Variants in ACOXL observed in about 807,000 individuals in gnomAD.
ACOXL encodes the protein acyl-CoA oxidase like, also known as acyl-coenzyme A oxidase-like protein.
ACOXL carries 70 observed loss-of-function variants against 71.9 expected under a neutral mutation model. That is an observed-to-expected ratio of 0.97 (90% CI 0.80 to 1.19). ACOXL has a LOEUF of 1.19. Among genes scored for constraint, ACOXL ranks in the 50% most tolerant of loss-of-function variants. The probability of loss-of-function intolerance (pLI) is 0.00; values close to 1 mark genes in which losing one functional copy is unlikely to be tolerated. For synonymous variants in ACOXL, 253 were observed against 281.6 expected, an observed-to-expected ratio of 0.90 and a Z score of 1.02; for missense variants, 703 against 736.3, an observed-to-expected ratio of 0.95 and a Z score of 0.52.
chr2:111,047,000 A>G lies in ACOXL; in HGVS notation c.1370-2218A>G, dbSNP rs1574594917. On this transcript the variant is annotated intron_variant, in intron 15 of 17. Transcript: ENST00000439055. ...AAGAGCGAGAAGTTCTCCAGAAATC[A>G]AAGTGGCAGCACTACTGTGGGAAAG... 2.6e-5 allele frequency among the ~76,000 whole-genome samples: 4 copies of G among 152,326 alleles called. No homozygotes were observed. The South Asian group carries it at 6.2e-4, about 24-fold the overall frequency.
intron 11 of ACOXL, among the ~76,000 whole-genome samples, chr2:110,912,224 A>G (rs189352628): frequency 6.6e-6 from 1 of 152,224 alleles, no homozygotes; most frequent in African/African-American, 2.4e-5. Flanking sequence ...AGCAGTCTCT[A>G]TCAAAATCCC....
At chr2:110,738,552 T>C (rs1677148470) in intron 1 of ACOXL, among the ~76,000 whole-genome samples, 1 of 152,210 alleles carries the variant, frequency 6.6e-6, no homozygotes, top group African/African-American at 2.4e-5. Context: ...ATATCCAACA[T>C]TGCAATGAAC....
chr2:110,943,234 AAGAAAG>A lies in ACOXL; in HGVS notation c.1059+9600_1059+9605del, dbSNP rs749006996. Among the ~76,000 whole-genome samples the A allele has an allele frequency of 3.8e-4, 57 of 148,678 alleles. 1 individual carries two copies. The South Asian group carries it at 8.5e-3, about 22-fold the overall frequency. ...GGAAGAAGGAAGGAAAGAAGGAAGC[AAGAAAG>A]AGAAAGAAAAAGAAAAGAAAGGAGG... is the stretch of plus-strand genomic sequence containing the variant. On this transcript the variant is annotated intron_variant, in intron 12 of 17. Coordinates refer to ENST00000439055, the MANE Select transcript of ACOXL (RefSeq NM_001142807.4).
intron 16 of ACOXL, among the ~76,000 whole-genome samples, chr2:111,078,111 G>T (rs1289625860): frequency 1.3e-5 from 2 of 151,978 alleles, no homozygotes; most frequent in Non-Finnish European, 1.5e-5. Context: ...TTTTCTCTCT[G>T]TTGTTCAGAT....
At chr2:110,864,727 C>A (rs1426491302) in intron 10 of ACOXL, among the ~76,000 whole-genome samples, 2 of 152,220 alleles carry the variant, frequency 1.3e-5, no homozygotes, top group African/African-American at 4.8e-5. Context: ...GGGGCTCTGT[C>A]GAATTAACCA....
chr2:110,907,438 A>AT (rs559393316), intron 10 of ACOXL, among the ~76,000 whole-genome samples: 63 of 151,446 alleles, frequency 4.2e-4, no homozygotes, highest in African/African-American at 7.3e-4. Context: ...TGGCTTTGGG[A>AT]TTTTTTTTTG....
intron 11 of ACOXL, among the ~76,000 whole-genome samples, chr2:110,917,156 C>A (rs1053015040): frequency 6.6e-6 from 1 of 152,154 alleles, no homozygotes; most frequent in Non-Finnish European, 1.5e-5. Flanking sequence ...GAAAAATCCT[C>A]GATAAAATAC....
chr2:110,793,593 A>G (rs1285682033), intron 3 of ACOXL, 57 bp from the exon 4 acceptor site: 6 of 1,521,332 alleles, frequency 3.9e-6, no homozygotes, highest in Non-Finnish European at 5.5e-6. Flanking sequence ...CGTGGATTTA[A>G]TTGTCTTTAG....
chr2:111,064,598 G>C (rs1263918848), intron 16 of ACOXL, among the ~76,000 whole-genome samples: 1 of 152,132 alleles, frequency 6.6e-6, no homozygotes, highest in Non-Finnish European at 1.5e-5. Flanking sequence ...CAACAGAAAA[G>C]ACTGTACGTG....
chr2:110,993,591 A>T (rs1224591540), intron 13 of ACOXL, among the ~76,000 whole-genome samples: 1 of 152,238 alleles, frequency 6.6e-6, no homozygotes, highest in Non-Finnish European at 1.5e-5. Context: ...CGCTATGAGC[A>T]TTCTTGTATA....
At chr2:111,007,363 C>T (rs1487776178) in intron 14 of ACOXL, among the ~76,000 whole-genome samples, 1 of 152,202 alleles carries the variant, frequency 6.6e-6, no homozygotes, top group Non-Finnish European at 1.5e-5. Context: ...CTATTTTCCT[C>T]ATTCCTACCA....
intron 12 of ACOXL, chr2:110,963,863 G>A (rs982600956): frequency 6.7e-6 from 8 of 1,188,276 alleles, no homozygotes; most frequent in Non-Finnish European, 6.9e-6. Context: ...AGGGGATTAC[G>A]TTATTTCTCT....
chr2:110,783,012 T>A (rs1302361455), intron 2 of ACOXL, among the ~76,000 whole-genome samples: 1 of 152,120 alleles, frequency 6.6e-6, no homozygotes, highest in Non-Finnish European at 1.5e-5. Flanking sequence ...TCCCAAGACT[T>A]CTTCTGGCTT....
intron 10 of ACOXL, among the ~76,000 whole-genome samples, chr2:110,897,023 G>C (rs1385884079): frequency 6.6e-6 from 1 of 151,476 alleles, no homozygotes; most frequent in African/African-American, 2.4e-5. Context: ...AAGTCATACA[G>C]AGTGAGTTCT....
chr2:110,755,554 A>C (rs1457178341), intron 1 of ACOXL, among the ~76,000 whole-genome samples: 2 of 152,182 alleles, frequency 1.3e-5, no homozygotes, highest in African/African-American at 4.8e-5. Context: ...GCAGATTGTC[A>C]CCTGTTTGCT....
At chr2:110,757,785 C>A (rs1275454151) in intron 1 of ACOXL, among the ~76,000 whole-genome samples, 1 of 151,494 alleles carries the variant, frequency 6.6e-6, no homozygotes, top group Non-Finnish European at 1.5e-5. Context: ...CTCATAGACT[C>A]TGGATATTAG....
chr2:110,860,514 A>C (rs943014537), intron 10 of ACOXL, among the ~76,000 whole-genome samples: 1 of 152,216 alleles, frequency 6.6e-6, no homozygotes, highest in Non-Finnish European at 1.5e-5. Flanking sequence ...CACCTTGGTC[A>C]TTTGGACCTT....
chr2:110,848,805 C>G (rs1303806383), intron 10 of ACOXL, among the ~76,000 whole-genome samples: 1 of 152,192 alleles, frequency 6.6e-6, no homozygotes, highest in Non-Finnish European at 1.5e-5. Context: ...GCCTGCTGAC[C>G]AGTGACCAGA....
chr2:110,961,319 T>C (rs924423341), intron 12 of ACOXL, among the ~76,000 whole-genome samples: 16 of 152,202 alleles, frequency 1.1e-4, no homozygotes, highest in Admixed American at 3.9e-4. Context: ...GGGAATTATA[T>C]TGCATGTGAA....
Sources: allele counts gnomAD v4.1 joint callset (sites outside exome capture counted in the v4.1 genomes callset), GRCh38; gene constraint gnomAD v4.1.1; transcripts MANE v1.5; gene names NCBI Gene and HGNC (gene_info 2026-07-23, HGNC 2026-07-21).